ADGRL3: variants seen among roughly 807,000 people sequenced by gnomAD.
The protein encoded by ADGRL3 is adhesion G protein-coupled receptor L3, also known as calcium-independent alpha-latrotoxin receptor 3.
A neutral mutation model predicts 153.5 loss-of-function variants in ADGRL3; 62 were observed. The observed-to-expected ratio is 0.40, with a 90% CI of 0.33 to 0.50. ADGRL3 has a LOEUF of 0.50. Ranked by LOEUF, ADGRL3 falls within the 20% of genes least tolerant of loss-of-function variation. The pLI, the probability that ADGRL3 is intolerant of heterozygous loss-of-function variation, is 0.47. For missense variants in ADGRL3, 1,641 were observed against 1,859.4 expected, an observed-to-expected ratio of 0.88 and a Z score of 2.16; for synonymous variants, 710 against 672.5, an observed-to-expected ratio of 1.06 and a Z score of -0.86.
chr4:61,672,551 G>A (rs533117705), intron 5 of ADGRL3, among the ~76,000 whole-genome samples: 39 of 152,098 alleles, frequency 2.6e-4, no homozygotes, highest in African/African-American at 9.4e-4. Context: ...GAAGACAAAT[G>A]GCCAACAGAT....
chr4:61,833,951 G>C (rs923365204), intron 9 of ADGRL3, among the ~76,000 whole-genome samples: 11 of 149,630 alleles, frequency 7.4e-5, no homozygotes, highest in South Asian at 4.2e-4. Context: ...TTTTGCAAAG[G>C]CAGCTTCTTT....
intron 1 of ADGRL3, among the ~76,000 whole-genome samples, chr4:61,266,094 C>T (rs909730895): frequency 1.3e-5 from 2 of 151,800 alleles, no homozygotes; most frequent in African/African-American, 4.8e-5. Context: ...AGGTAACCTA[C>T]TGATTAAATT....
In ADGRL3 at chr4:61,330,558, T is replaced by C. The variant is rs530634334; in HGVS notation, c.-239-52566T>C. Reference sequence around the variant, plus strand: ...TCCTTTGGTCTCCATAATCATGTTGTGTCCTGAGTTGGTTCCTTCTGGTGG... The same window carrying C: ...TCCTTTGGTCTCCATAATCATGTTGCGTCCTGAGTTGGTTCCTTCTGGTGG... On this transcript the variant is annotated intron_variant, in intron 1 of 26. Transcript: ENST00000683033. 2.6e-5 allele frequency among the ~76,000 whole-genome samples: 4 copies of C among 152,228 alleles called. No homozygotes were observed. The South Asian group carries it at 6.2e-4, about 24-fold the overall frequency.
chr4:61,567,613 G>T (rs968079726), intron 4 of ADGRL3, among the ~76,000 whole-genome samples: 1 of 152,154 alleles, frequency 6.6e-6, no homozygotes. Context: ...CATGTCTGCA[G>T]TTTGTGAGTC....
chr4:61,771,792 T>C (rs1268922215), intron 8 of ADGRL3, among the ~76,000 whole-genome samples: 1 of 151,996 alleles, frequency 6.6e-6, no homozygotes, highest in Non-Finnish European at 1.5e-5. Context: ...AAGCCTTTTA[T>C]AGGCTAACCA....
intron 2 of ADGRL3, among the ~76,000 whole-genome samples, chr4:61,482,715 T>C (rs1045733109): frequency 6.6e-6 from 1 of 152,202 alleles, no homozygotes; most frequent in East Asian, 1.9e-4. Context: ...GGAAATGTTA[T>C]AATTATTAAG....
intron 2 of ADGRL3, among the ~76,000 whole-genome samples, chr4:61,421,885 CTTCA>C (rs1353245437): frequency 6.6e-6 from 1 of 151,862 alleles, no homozygotes; most frequent in Non-Finnish European, 1.5e-5. Flanking sequence ...TATGACTTTT[CTTCA>C]TTCATTATTA....
intron 9 of ADGRL3, among the ~76,000 whole-genome samples, chr4:61,855,384 A>C (rs527252682): frequency 6.6e-6 from 1 of 152,132 alleles, no homozygotes; most frequent in East Asian, 1.9e-4. Context: ...ATTGAAGACT[A>C]TTTTCTGGAA....
At chr4:61,872,075 T>C (rs2098448680) in intron 9 of ADGRL3, among the ~76,000 whole-genome samples, 1 of 152,238 alleles carries the variant, frequency 6.6e-6, no homozygotes, top group Admixed American at 6.5e-5. Context: ...AATTCTAGCT[T>C]CTAGAAAATG....
intron 1 of ADGRL3, among the ~76,000 whole-genome samples, chr4:61,295,295 A>G (rs376158373): frequency 2.1e-4 from 32 of 152,206 alleles, no homozygotes; most frequent in South Asian, 1.4e-3. Context: ...ACATTGTTAT[A>G]ATTTTTCTAT....
rs374306306 is a variant in ADGRL3, at chr4:62,001,030, C to T, written c.3395+2765C>T. Among the ~76,000 whole-genome samples, 16 of 152,202 alleles carry T rather than the reference C, an allele frequency of 1.1e-4. No individual in the cohort carries two copies. In the South Asian group the frequency reaches 1.7e-3, roughly 16 times the overall value. On this transcript the variant is annotated intron_variant, in intron 21 of 26. Coordinates refer to ENST00000683033, the MANE Select transcript of ADGRL3 (RefSeq NM_001387552.1). ...AACTCCTGGCCTCAAGCTATCCTTC[C>T]GCTTCAGCCTCCTAAAGTGCTGGGA...
chr4:61,946,652 G>A (rs1189177789), intron 15 of ADGRL3, among the ~76,000 whole-genome samples: 2 of 152,082 alleles, frequency 1.3e-5, no homozygotes, highest in Non-Finnish European at 2.9e-5. Context: ...TGGTTTTTAT[G>A]TTTAGGTGTA....
At chr4:61,789,748 T>G (rs1040145895) in intron 8 of ADGRL3, among the ~76,000 whole-genome samples, 2 of 152,184 alleles carry the variant, frequency 1.3e-5, no homozygotes, top group African/African-American at 4.8e-5. Context: ...TAATCAGTAT[T>G]TTCACTTTTG....
At chr4:61,745,476 A>T (rs1366424778) in intron 8 of ADGRL3, among the ~76,000 whole-genome samples, 1 of 152,184 alleles carries the variant, frequency 6.6e-6, no homozygotes, top group Non-Finnish European at 1.5e-5. Context: ...AGGGTTACCC[A>T]CAAAGGGAAG....
chr4:61,499,418 G>A (rs1423409565), intron 3 of ADGRL3, among the ~76,000 whole-genome samples: 1 of 151,838 alleles, frequency 6.6e-6, no homozygotes, highest in Non-Finnish European at 1.5e-5. Context: ...TTGTGATGTG[G>A]GAAAATAAAA....
chr4:61,824,908 C>T (rs1252181619), intron 9 of ADGRL3, among the ~76,000 whole-genome samples: 6 of 151,960 alleles, frequency 3.9e-5, no homozygotes, highest in Non-Finnish European at 5.9e-5. Context: ...TTTTTGAGAT[C>T]TTTTAGTAGG....
At chr4:61,680,378 A>T (rs1441005606) in intron 6 of ADGRL3, among the ~76,000 whole-genome samples, 1 of 150,290 alleles carries the variant, frequency 6.7e-6, no homozygotes. Context: ...TGTGTAGAAG[A>T]AACTTTTTTT....
intron 5 of ADGRL3, among the ~76,000 whole-genome samples, chr4:61,646,392 T>C (rs1385175941): frequency 1.3e-5 from 2 of 151,948 alleles, no homozygotes; most frequent in Non-Finnish European, 2.9e-5. Context: ...TTTTCTGCTC[T>C]GTTTTTTCCC....
At chr4:61,408,671 C>T (rs74819062) in intron 2 of ADGRL3, among the ~76,000 whole-genome samples, 4,705 of 151,924 alleles carry the variant, frequency 0.031, 226 homozygotes, top group East Asian at 0.21. Flanking sequence ...ATTATTTATA[C>T]AGAGTACAAA....
Sources: gnomAD v4.1 joint callset for allele counts (sites outside exome capture counted in the v4.1 genomes callset) on GRCh38, gnomAD v4.1.1 for gene constraint, MANE v1.5 for transcripts, NCBI Gene and HGNC (gene_info 2026-07-23, HGNC 2026-07-21) for gene names.